TMEM232: variants seen among roughly 807,000 people sequenced by gnomAD.
TMEM232 encodes the protein transmembrane protein 232.
TMEM232 carries 80 observed loss-of-function variants against 78.8 expected under a neutral mutation model. The ratio of observed to expected loss-of-function variants is 1.01; its 90% confidence interval spans 0.85 to 1.22. TMEM232 has a LOEUF of 1.22. Among genes scored for constraint, TMEM232 ranks in the 50% most tolerant of loss-of-function variants. The pLI, the probability that TMEM232 is intolerant of heterozygous loss-of-function variation, is 0.00. For synonymous variants in TMEM232, 297 were observed against 254.3 expected, an observed-to-expected ratio of 1.17 and a Z score of -1.60; for missense variants, 881 against 742.2, an observed-to-expected ratio of 1.19 and a Z score of -2.17.
chr5:110,653,915 T>C (rs1277389125), intron 2 of TMEM232, among the ~76,000 whole-genome samples: 2 of 152,118 alleles, frequency 1.3e-5, no homozygotes, highest in African/African-American at 4.8e-5. Context: ...GACATATCAG[T>C]GATGATCAAA....
intron 12 of TMEM232, among the ~76,000 whole-genome samples, chr5:110,526,822 T>C (rs534451850): frequency 3.6e-4 from 54 of 151,946 alleles, no homozygotes; most frequent in Non-Finnish European, 6.9e-4. Flanking sequence ...AATAGAAAAT[T>C]GGTTAAATAA....
At chr5:110,443,415 A>C (rs1759282629) in intron 12 of TMEM232, among the ~76,000 whole-genome samples, 1 of 152,110 alleles carries the variant, frequency 6.6e-6, no homozygotes. Context: ...GTTGATGTAA[A>C]GACCAAGGGC....
chr5:110,388,545 A>G (rs1178290552), intron 4 of TMEM232, among the ~76,000 whole-genome samples: 2 of 152,142 alleles, frequency 1.3e-5, no homozygotes, highest in Admixed American at 1.3e-4. Flanking sequence ...TACCCTCACT[A>G]TCTGCCTAAG....
At chr5:110,444,218 A>C (rs1759388364) in intron 12 of TMEM232, among the ~76,000 whole-genome samples, 1 of 152,120 alleles carries the variant, frequency 6.6e-6, no homozygotes, top group African/African-American at 2.4e-5. Context: ...ACCCTAGAGC[A>C]CTTCAGCCCC....
At chr5:110,734,251 G>T (rs1377902797) in intron 2 of TMEM232, among the ~76,000 whole-genome samples, 1 of 152,234 alleles carries the variant, frequency 6.6e-6, no homozygotes, top group Non-Finnish European at 1.5e-5. Flanking sequence ...CAGAATTCCA[G>T]CTGGGTTCAG....
At chr5:110,728,658 C>G (rs1036670542), upstream of TMEM232, among the ~76,000 whole-genome samples, 1 of 150,942 alleles carries the variant, frequency 6.6e-6, no homozygotes, top group African/African-American at 2.4e-5. Context: ...AATTAGTCAT[C>G]TACATTGAAG....
intron 12 of TMEM232, among the ~76,000 whole-genome samples, chr5:110,510,385 A>C (rs1379438043): frequency 6.6e-6 from 1 of 152,186 alleles, no homozygotes; most frequent in Non-Finnish European, 1.5e-5. Flanking sequence ...GAAAAAAAAG[A>C]AGCACCTTTG....
chr5:110,673,612 C>T (rs1791647578), intron 1 of TMEM232, among the ~76,000 whole-genome samples: 1 of 152,088 alleles, frequency 6.6e-6, no homozygotes, highest in Admixed American at 6.6e-5. Flanking sequence ...TAGTAGAACC[C>T]AGCAGCTCCC....
chr5:110,649,317 C>A (rs1165532535), intron 2 of TMEM232, among the ~76,000 whole-genome samples: 1 of 151,930 alleles, frequency 6.6e-6, no homozygotes, highest in Non-Finnish European at 1.5e-5. Context: ...AAAAGGGTTA[C>A]ACAAAAGTTT....
At chr5:110,681,363 T>C (rs1303065238) in intron 1 of TMEM232, among the ~76,000 whole-genome samples, 1 of 152,160 alleles carries the variant, frequency 6.6e-6, no homozygotes, top group Non-Finnish European at 1.5e-5. Flanking sequence ...GCAGGAATGC[T>C]AGGTACTTGG....
chr5:110,724,119 T>C (rs1797927847), intron 1 of TMEM232, among the ~76,000 whole-genome samples: 1 of 152,224 alleles, frequency 6.6e-6, no homozygotes, highest in Non-Finnish European at 1.5e-5. Flanking sequence ...ATTTCTTCAG[T>C]AAGCCTTCTG....
intron 2 of TMEM232, among the ~76,000 whole-genome samples, chr5:110,413,407 T>C (rs533365151): frequency 6.6e-6 from 1 of 152,266 alleles, no homozygotes; most frequent in South Asian, 2.1e-4. Flanking sequence ...TGGACTATCT[T>C]CCTGGCTCCT....
intron 2 of TMEM232, among the ~76,000 whole-genome samples, chr5:110,645,012 A>G (rs1480784831): frequency 2.6e-5 from 4 of 151,584 alleles, no homozygotes; most frequent in Non-Finnish European, 1.5e-5. Context: ...GAAATTTACA[A>G]GCTACCAAAA....
At chr5:110,700,132 G>A (rs184248585) in intron 1 of TMEM232, among the ~76,000 whole-genome samples, 6 of 152,118 alleles carry the variant, frequency 3.9e-5, no homozygotes, top group Admixed American at 6.6e-5. Flanking sequence ...AAATTGTTTC[G>A]CACAAATAAT....
At position 110,615,224 on chromosome 5, in the gene TMEM232, C is replaced by A. The variant is rs371815732; in HGVS notation, c.902+3205G>T. 5.9e-5 allele frequency among the ~76,000 whole-genome samples: 9 copies of A among 151,982 alleles called. 1 individual carries two copies. Among genetic ancestry groups the A allele is most frequent in the East Asian group, 5.8e-4 (3 of 5,182 alleles). Reference sequence around the variant, plus strand: ...TAACTTTTGTTCATAAAGAATGTTGCAGACTTTTAGAAGGGTCTACAGTTG... The same window carrying A: ...TAACTTTTGTTCATAAAGAATGTTGAAGACTTTTAGAAGGGTCTACAGTTG... On this transcript the variant is annotated intron_variant, in intron 8 of 13. Transcript: ENST00000455884.
chr5:110,723,292 A>G (rs932676290), intron 1 of TMEM232, among the ~76,000 whole-genome samples: 1 of 152,198 alleles, frequency 6.6e-6, no homozygotes, highest in East Asian at 1.9e-4. Context: ...CAGTTGACAC[A>G]TAACCTGAAG....
intron 12 of TMEM232, among the ~76,000 whole-genome samples, chr5:110,461,412 A>G (rs138492832): frequency 1.3e-5 from 2 of 152,290 alleles, no homozygotes; most frequent in African/African-American, 4.8e-5. Context: ...AAAAGTTGCA[A>G]TCCAGCAGCG....
intron 12 of TMEM232, among the ~76,000 whole-genome samples, chr5:110,512,587 T>C (rs541195867): frequency 5.4e-4 from 83 of 152,298 alleles, no homozygotes; most frequent in African/African-American, 1.9e-3. Context: ...AACATCAATT[T>C]CCCTGACAGG....
chr5:110,410,099 C>T (rs1561461121), intron 2 of TMEM232, among the ~76,000 whole-genome samples: 1 of 152,154 alleles, frequency 6.6e-6, no homozygotes, highest in Non-Finnish European at 1.5e-5. Flanking sequence ...TCATGAAGAA[C>T]AGAGACTGGT....
Sources: gnomAD v4.1 joint callset for allele counts (sites outside exome capture counted in the v4.1 genomes callset) on GRCh38, gnomAD v4.1.1 for gene constraint, MANE v1.5 for transcripts, NCBI Gene and HGNC (gene_info 2026-07-23, HGNC 2026-07-21) for gene names.